Variants in PHC3 observed in about 807,000 individuals in gnomAD.
PHC3 encodes the protein polyhomeotic homolog 3, also known as polyhomeotic-like protein 3.
A neutral mutation model predicts 107.4 loss-of-function variants in PHC3; 13 were observed. The ratio of observed to expected loss-of-function variants is 0.12; its 90% confidence interval spans 0.08 to 0.19. The LOEUF is 0.19. Among genes scored for constraint, PHC3 ranks in the 10% least tolerant of loss-of-function variants. PHC3 has a pLI of 1.00. For missense variants in PHC3, 992 were observed against 1,210.9 expected (o/e 0.82, Z 2.68); for synonymous variants, 456 against 427.4 (o/e 1.07, Z -0.83).
intron 4 of PHC3, among the ~76,000 whole-genome samples, chr3:170,164,103 G>A (rs1203614464): frequency 6.6e-6 from 1 of 151,958 alleles, no homozygotes; most frequent in Non-Finnish European, 1.5e-5. Flanking sequence ...TCAGTAGGCT[G>A]AGGCAGGAGA....
chr3:170,133,965 T>A (rs1459883317), intron 7 of PHC3, among the ~76,000 whole-genome samples: 1 of 152,094 alleles, frequency 6.6e-6, no homozygotes, highest in Non-Finnish European at 1.5e-5. Context: ...TTATAATTTA[T>A]CAAAACTGCA....
At chr3:170,150,531 T>TTAAAAAAAAA (rs1414559632) in intron 4 of PHC3, 1 of 77,104 alleles carries the variant, frequency 1.3e-5, no homozygotes. Flanking sequence ...CTGTCTCTAC[T>TTAAAAAAAAA]AAAAAAAAAA....
chr3:170,136,283 G>A, intron 7 of PHC3, 136 bp downstream of exon 7: 1 of 1,049,844 alleles, frequency 9.5e-7, no homozygotes, highest in Non-Finnish European at 1.3e-6. Context: ...TACACATTAA[G>A]ATTAAGTTTA....
At chr3:170,103,966 A>G (rs1039873485) in intron 12 of PHC3, among the ~76,000 whole-genome samples, 1 of 152,192 alleles carries the variant, frequency 6.6e-6, no homozygotes, top group Non-Finnish European at 1.5e-5. Context: ...GCTACTTAGA[A>G]GGCTAAGGTG....
intron 4 of PHC3, among the ~76,000 whole-genome samples, chr3:170,153,656 G>C (rs1057234374): frequency 1.3e-5 from 2 of 151,890 alleles, no homozygotes; most frequent in South Asian, 2.1e-4. Flanking sequence ...CCAGCTACTC[G>C]GGAGGCTGAG....
intron 3 of PHC3, 76 bp downstream of exon 3, chr3:170,172,481 C>T: frequency 2.0e-6 from 3 of 1,472,718 alleles, no homozygotes; most frequent in Non-Finnish European, 2.8e-6. Context: ...TGAAATAATA[C>T]CCAATCTATT....
At chr3:170,148,679 C>T (rs944777734) in intron 5 of PHC3, 4 of 153,892 alleles carry the variant, frequency 2.6e-5, no homozygotes, top group Non-Finnish European at 5.8e-5. Context: ...TTTTTAACAT[C>T]TCTATTTCAC....
At chr3:170,181,430 C>G (rs954838707) in intron 1 of PHC3, among the ~76,000 whole-genome samples, 1 of 152,138 alleles carries the variant, frequency 6.6e-6, no homozygotes, top group Non-Finnish European at 1.5e-5. Flanking sequence ...CCCCAGCTCC[C>G]GGAGTCCCAA....
In PHC3 at chr3:170,113,499, T is replaced by C. The variant is rs542237051; in HGVS notation, c.2214A>G (p.Leu738=). The C allele has an allele frequency of 4.0e-4, 642 of 1,607,690 alleles. 9 individuals are homozygous for C. In the South Asian group the frequency reaches 6.6e-3, roughly 16 times the overall value. The part of the protein sequence containing the change: ...EPFPVSRSSL[L]IEQPVKKRPL... Reference sequence around the variant, plus strand: ...GCCGTTTTTTCACAGGCTGTTCTATTAGCAAAGAGGAACGACTCACCTTTA... The same window carrying C: ...GCCGTTTTTTCACAGGCTGTTCTATCAGCAAAGAGGAACGACTCACCTTTA... The change falls in exon 11 of 15, where the codon CTA becomes CTG. Residue 738 remains leucine (L), a synonymous_variant. Transcript: ENST00000495893.
At chr3:170,151,419 C>T (rs1465113516) in intron 4 of PHC3, among the ~76,000 whole-genome samples, 1 of 151,962 alleles carries the variant, frequency 6.6e-6, no homozygotes, top group Non-Finnish European at 1.5e-5. Context: ...GCTAGATCAA[C>T]ATGAAAAAAT....
chr3:170,121,984 A>G (rs779249465), intron 9 of PHC3, among the ~76,000 whole-genome samples: 3 of 152,108 alleles, frequency 2.0e-5, no homozygotes, highest in Non-Finnish European at 4.4e-5. Flanking sequence ...TGGGCATGGT[A>G]GCTCACACCT....
In PHC3 at chr3:170,090,652, A is replaced by AT. The variant is rs1714000684; in HGVS notation, c.*6577dup. ...AAGAGAATAAAGTAGGAATAACCCCATTACACAGCCTAGAATCATAGTTTT... is the reference window on the plus strand; with the variant it reads ...AAGAGAATAAAGTAGGAATAACCCCATTTACACAGCCTAGAATCATAGTTTT... On this transcript the variant is annotated 3_prime_UTR_variant, in exon 15 of 15. Transcript: ENST00000495893. 6.6e-6 allele frequency: 1 copy of AT among 152,210 alleles called. No homozygotes were observed. The highest frequency in any genetic ancestry group is 6.5e-5 in the Admixed American group (1 of 15,272). The allele number at this position is 152,210 out of a possible 1,614,324, so 9.4% of individuals were successfully genotyped here. A position where few individuals can be genotyped will look rare whatever the true frequency, so the allele number is the denominator to read the frequency against.
Position 170,172,682 on chromosome 3 carries a change from T to C in PHC3, c.211A>G (p.Ser71Gly). Residue 71 changes from serine (S) to glycine (G), a missense_variant, in exon 3 of 15, where the codon AGC (serine) becomes GGC (glycine). Around this residue, in one of 6 missense-constraint regions of PHC3, gnomAD observed 161 missense variants for 183.7 expected, o/e 0.88. Transcript: ENST00000495893. ...TGCTGAAGGTACTGAGCAGCTGAGC[T>C]GGGGGGCCGATGCAATGCCTGTTGA... ...VIQQALHRPP[S>G]SAAQYLQQMY... 6.2e-7 allele frequency: 1 copy of C among 1,610,532 alleles called. No homozygotes were observed.
At position 170,178,785 on chromosome 3, in the gene PHC3, T is replaced by A; in HGVS notation, c.168A>T (p.Arg56=). The A allele has an allele frequency of 6.2e-7, 1 of 1,614,034 alleles. No individual in the cohort carries two copies. ...PQISVYSGSD[R]HAVQVIQQAL... is the part of the protein sequence containing the mutation. ...ACAGCTGAAATACCTGTACAGCATG[T>A]CGGTCTGAACCACTGTAGACAGAGA... Residue 56 remains arginine, a synonymous_variant, in exon 2 of 15, where the codon CGA becomes CGT. Transcript: ENST00000495893.
At chr3:170,122,489 G>T in intron 9 of PHC3, 102 bp downstream of exon 9, 2 of 1,242,602 alleles carry the variant, frequency 1.6e-6, no homozygotes, top group Non-Finnish European at 2.3e-6. Context: ...TGTAGTTCCA[G>T]CTACAAAAAG....
chr3:170,175,300 T>C (rs1730249110), intron 2 of PHC3, among the ~76,000 whole-genome samples: 3 of 152,228 alleles, frequency 2.0e-5, no homozygotes. Context: ...ATTAATTTTT[T>C]ATTAATCTAT....
chr3:170,117,462 G>GT lies in PHC3; in HGVS notation c.1956dup (p.Pro653ThrfsTer12). ...GAAGCACTGACTGATGCCACAGCAG[G>GT]TAATTCCACTTGCTCTGAAAAAAAA... On this transcript the variant is annotated frameshift_variant, in exon 10 of 15. Transcript: ENST00000495893. LOFTEE classifies it high-confidence loss of function. 1 of 1,606,548 alleles carries GT rather than the reference G, an allele frequency of 6.2e-7. No individual in the cohort carries two copies. Among genetic ancestry groups the GT allele is most frequent in the South Asian group, 1.1e-5 (1 of 89,802 alleles).
intron 6 of PHC3, among the ~76,000 whole-genome samples, chr3:170,144,478 G>A (rs535446739): frequency 1.5e-4 from 23 of 152,082 alleles, no homozygotes; most frequent in South Asian, 6.2e-4. Flanking sequence ...GTGTTTTCAC[G>A]TCTCTCAGGG....
At chr3:170,148,619 T>C (rs1316945667) in intron 5 of PHC3, 3 of 153,224 alleles carry the variant, frequency 2.0e-5, no homozygotes, top group African/African-American at 2.4e-5. Context: ...AACTCCAATA[T>C]AGAATTCAGA....
Sources: gnomAD v4.1 joint callset for allele counts (sites outside exome capture counted in the v4.1 genomes callset) on GRCh38, gnomAD v4.1.1 for gene constraint, gnomAD v4.1.1 regional missense constraint, MANE v1.5 for transcripts, NCBI Gene and HGNC (gene_info 2026-07-23, HGNC 2026-07-21) for gene names.